The following LUZP4 variants were observed in gnomAD, a reference collection of about 807,000 sequenced individuals.
LUZP4 encodes HOM-TES-85 tumor antigen.
LUZP4 carries 11 observed loss-of-function variants against 8.5 expected under a neutral mutation model. That is an observed-to-expected ratio of 1.30 (90% CI 0.82 to 2.14). The LOEUF (loss-of-function observed/expected upper bound fraction) is 2.14, where lower values mean the gene tolerates loss of function less well. LUZP4 is among the 30% of genes most tolerant of loss of function. The pLI is 0.00. For missense variants in LUZP4, 276 were observed against 229.7 expected, an observed-to-expected ratio of 1.20 and a Z score of -1.30; for synonymous variants, 104 against 79.4, an observed-to-expected ratio of 1.31 and a Z score of -1.65.
At chrX:115,297,409 T>C (rs1028324786) in intron 1 of LUZP4, among the ~76,000 whole-genome samples, 2 of 112,241 alleles carry the variant, frequency 1.8e-5, no homozygotes, top group African/African-American at 6.5e-5. Context: ...TTCTTTCTGG[T>C]TGAAGCACTC....
At position 115,300,756 on chromosome X, in the gene LUZP4, G is replaced by C. The variant is rs782361421; in HGVS notation, c.92-1236G>C. 5.7e-5 allele frequency among the ~76,000 whole-genome samples: 6 copies of C among 105,271 alleles called. No homozygotes were observed. The South Asian group carries it at 2.7e-3, about 48-fold the overall frequency. The allele number at this position is 105,271 out of a possible 115,157, so 91.4% of individuals were successfully genotyped here. On this transcript the variant is annotated intron_variant, in intron 1 of 3. Coordinates refer to ENST00000371920, the MANE Select transcript of LUZP4 (RefSeq NM_016383.5). ...TGTGTTCTTCCTTCCCCAGTGCCCAGAGATGCTCTTGGCACCACCATGTCA... is the reference window on the plus strand; with the variant it reads ...TGTGTTCTTCCTTCCCCAGTGCCCACAGATGCTCTTGGCACCACCATGTCA...
Position 115,301,994 on chromosome X carries a change from G to C in LUZP4, c.94G>C (p.Asp32His). Residue 32 changes from aspartate to histidine, a missense_variant and splice_region_variant, in exon 2 of 4, where the codon GAC (aspartate) becomes CAC (histidine). Asp to His is a moderately conservative substitution (Grantham distance 81). Coordinates refer to ENST00000371920, the MANE Select transcript of LUZP4 (RefSeq NM_016383.5). The stretch of plus-strand genomic sequence containing the variant: ...TTTTTATGTATTTTCTAATACAGAC[G>C]ACATTATAATCTATAAAGAGTTAGA... The part of the protein sequence containing the change: ...KVNFLDMSLD[D>H]IIIYKELEGT... The C allele has an allele frequency of 8.9e-7, 1 of 1,127,146 alleles. No individual in the cohort carries two copies. The highest frequency in any genetic ancestry group is 2.8e-5 in the Admixed American group (1 of 35,175). 92.9% of individuals were successfully genotyped at this position (1,127,146 alleles called of 1,213,427 possible).
chrX:115,292,732 A>G (rs782575977), intron 1 of LUZP4, among the ~76,000 whole-genome samples: 41 of 111,476 alleles, frequency 3.7e-4, no homozygotes, highest in Admixed American at 1.8e-3. Context: ...GTTTTTCACC[A>G]TTAATCATCA....
intron 1 of LUZP4, among the ~76,000 whole-genome samples, chrX:115,295,873 A>G (rs2073368644): frequency 8.9e-6 from 1 of 112,242 alleles, no homozygotes; most frequent in Admixed American, 9.5e-5. Context: ...CCACGAATCC[A>G]CAAATATGGA....
chrX:115,290,030 C>G (rs1217241257), intron 1 of LUZP4, among the ~76,000 whole-genome samples, 180 bp downstream of exon 1: 2 of 110,413 alleles, frequency 1.8e-5, no homozygotes, highest in African/African-American at 6.6e-5. Flanking sequence ...ACCACTTGGC[C>G]CCTATCCCTC....
intron 3 of LUZP4, among the ~76,000 whole-genome samples, chrX:115,304,423 T>C (rs1380538542): frequency 8.9e-6 from 1 of 112,337 alleles, no homozygotes; most frequent in Admixed American, 9.5e-5. Flanking sequence ...AAGAAGAACA[T>C]GAGCTTCCTT....
chrX:115,306,480 CCACTCAGAGAGATCTCATGGT>C lies in LUZP4; in HGVS notation c.667_687del (p.Glu223_Ser229del), dbSNP rs782177187. On this transcript the variant is annotated inframe_deletion, in exon 4 of 4. Coordinates refer to ENST00000371920, the MANE Select transcript of LUZP4 (RefSeq NM_016383.5). ...ATGGTCAATCTGAGAGATCTCATGG[CCACTCAGAGAGATCTCATGGT>C]CACTCAGAGAGATCTCATGGTCACT... is the stretch of plus-strand genomic sequence containing the variant. 1.3e-3 allele frequency: 1,607 copies of C among 1,208,494 alleles called. 1 individual carries two copies. Among genetic ancestry groups the C allele is most frequent in the African/African-American group, 2.7e-3 (151 of 56,896 alleles).
rs190584081 is a variant in LUZP4, at chrX:115,306,585, T to G, written c.723T>G (p.Thr241=). Residue 241 remains threonine (T), a synonymous_variant, in exon 4 of 4, where the codon ACT becomes ACG. Transcript: ENST00000371920. Reference sequence around the variant, plus strand: ...GTAGCCAGGGAGATCTTGTGGACACTCAGAGTGATCTCATAGCCACTCAGA... The same window carrying G: ...GTAGCCAGGGAGATCTTGTGGACACGCAGAGTGATCTCATAGCCACTCAGA... ...RSRSQGDLVD[T]QSDLIATQRD... is the part of the protein sequence containing the mutation. 2.7e-4 allele frequency: 321 copies of G among 1,206,324 alleles called. 1 individual carries two copies. The highest frequency in any genetic ancestry group is 2.7e-5 in the Non-Finnish European group (24 of 894,566).
rs782550737 is a variant in LUZP4, at chrX:115,289,801, G to T, written c.42G>T (p.Pro14=). 1 of 1,207,315 alleles carries T rather than the reference G, an allele frequency of 8.3e-7. No individual in the cohort carries two copies. The highest frequency in any genetic ancestry group is 1.8e-5 in the African/African-American group (1 of 56,982). The part of the protein sequence containing the change: ...FRKLTLSEKV[P]PNHPSRKKVN... ...AGCTAACGCTTTCTGAAAAAGTGCC[G>T]CCAAATCATCCCAGTCGGAAAAAGG... Residue 14 remains proline (P), a synonymous_variant, in exon 1 of 4, where the codon CCG becomes CCT. Transcript: ENST00000371920.
At chrX:115,291,672 A>G (rs1556596875) in intron 1 of LUZP4, among the ~76,000 whole-genome samples, 1 of 110,757 alleles carries the variant, frequency 9.0e-6, no homozygotes, top group Non-Finnish European at 1.9e-5. Context: ...ATGTAATCCC[A>G]GCACTTTGGG....
chrX:115,296,788 A>G (rs2073372659), intron 1 of LUZP4, among the ~76,000 whole-genome samples: 1 of 111,649 alleles, frequency 9.0e-6, no homozygotes, highest in Non-Finnish European at 1.9e-5. Context: ...TTAAAGAAAA[A>G]CCTTGCAACA....
At position 115,307,556 on chromosome X, in the gene LUZP4, A is replaced by G. The variant is rs947970527; in HGVS notation, c.*752A>G. ...TTATTCAATAAAAGTTTTAGTTTTAATTTCTCAGTGATTGCCTTGTTTGTA... is the reference window on the plus strand; with the variant it reads ...TTATTCAATAAAAGTTTTAGTTTTAGTTTCTCAGTGATTGCCTTGTTTGTA... On this transcript the variant is annotated 3_prime_UTR_variant, in exon 4 of 4. Transcript: ENST00000371920. 5 of 112,352 alleles carry G rather than the reference A, an allele frequency of 4.5e-5. No individual in the cohort carries two copies. Among genetic ancestry groups the G allele is most frequent in the Non-Finnish European group, 7.5e-5 (4 of 53,315 alleles). 9.3% of individuals were successfully genotyped at this position (112,352 alleles called of 1,213,427 possible).
At chrX:115,295,101 A>G (rs991485783) in intron 1 of LUZP4, among the ~76,000 whole-genome samples, 2 of 111,100 alleles carry the variant, frequency 1.8e-5, no homozygotes, top group African/African-American at 6.6e-5. Context: ...ATTTTTTGAG[A>G]CAGGGTCTCT....
chrX:115,306,918 G>A lies in LUZP4; in HGVS notation c.*114G>A. 7.3e-6 allele frequency: 5 copies of A among 688,909 alleles called. No individual in the cohort carries two copies. In the South Asian group the frequency reaches 1.3e-4, roughly 19 times the overall value. The allele number at this position is 688,909 out of a possible 1,213,427, so 56.8% of individuals were successfully genotyped here. ...TATTGGGACAAAGACATAAATATTA[G>A]AATGGAGGTAATACATACATAGTAT... On this transcript the variant is annotated 3_prime_UTR_variant, in exon 4 of 4. Coordinates refer to ENST00000371920, the MANE Select transcript of LUZP4 (RefSeq NM_016383.5).
rs1159712916 is a variant in LUZP4, at chrX:115,297,897, C to T, written c.92-4095C>T. 7.3e-5 allele frequency among the ~76,000 whole-genome samples: 8 copies of T among 109,375 alleles called. No individual in the cohort carries two copies. In the Admixed American group the frequency reaches 7.9e-4, roughly 11 times the overall value. The allele number at this position is 109,375 out of a possible 115,157, so 95.0% of individuals were successfully genotyped here. A position where few individuals can be genotyped will look rare whatever the true frequency, so the allele number is the denominator to read the frequency against. On this transcript the variant is annotated intron_variant, in intron 1 of 3. Transcript: ENST00000371920. The stretch of plus-strand genomic sequence containing the variant: ...AATCTCGGCTCACTGCAACCTCTGC[C>T]TCCCAGGTCCCCGTTAAGCAATTCT...
intron 1 of LUZP4, 42 bp from the exon 2 acceptor site, chrX:115,301,949 GC>G: frequency 1.0e-6 from 1 of 969,499 alleles, no homozygotes; most frequent in Non-Finnish European, 1.4e-6. Context: ...ACATTATTTG[GC>G]TTTTGCCATT....
intron 3 of LUZP4, among the ~76,000 whole-genome samples, chrX:115,305,403 A>G (rs1190716080): frequency 5.5e-4 from 62 of 112,367 alleles, no homozygotes; most frequent in African/African-American, 1.6e-3. Context: ...CCTGCTGTTT[A>G]GCAGTTGCTT....
chrX:115,290,260 A>G (rs999768437), intron 1 of LUZP4, among the ~76,000 whole-genome samples: 2 of 112,063 alleles, frequency 1.8e-5, no homozygotes, highest in African/African-American at 3.2e-5. Context: ...AGCGGATGTC[A>G]TAAATCACTA....
intron 3 of LUZP4, among the ~76,000 whole-genome samples, chrX:115,305,464 A>G (rs2073416015): frequency 8.9e-6 from 1 of 111,755 alleles, no homozygotes; most frequent in Non-Finnish European, 1.9e-5. Context: ...AATTGAGGGG[A>G]TGTTGTGTTT....
Sources: gnomAD v4.1 joint callset for allele counts (sites outside exome capture counted in the v4.1 genomes callset) on GRCh38, gnomAD v4.1.1 for gene constraint, MANE v1.5 for transcripts, NCBI Gene and HGNC (gene_info 2026-07-23, HGNC 2026-07-21) for gene names.